Variants in LRRK2 observed in about 807,000 individuals in gnomAD.
LRRK2 encodes the protein leucine rich repeat kinase 2, also known as leucine-rich repeat serine/threonine-protein kinase 2.
Under a neutral mutation model 302.6 loss-of-function variants are expected in LRRK2, and 203 were observed. The observed-to-expected ratio is 0.67, with a 90% confidence interval of 0.60 to 0.75. The LOEUF (loss-of-function observed/expected upper bound fraction) is 0.75. Among genes scored for constraint, LRRK2 ranks in the 30% least tolerant of loss-of-function variants. The pLI, the probability that LRRK2 is intolerant of heterozygous loss-of-function variation, is 0.00. For missense variants in LRRK2, 2,830 were observed against 2,951.0 expected (o/e 0.96, Z 0.95); for synonymous variants, 1,066 against 1,031.9 (o/e 1.03, Z -0.63).
chr12:40,231,576 C>CAAAAAAAAAAAAAAACAA (rs1941191351), intron 2 of LRRK2, among the ~76,000 whole-genome samples: 1 of 105,882 alleles, frequency 9.4e-6, no homozygotes, highest in Non-Finnish European at 1.8e-5. Flanking sequence ...AAAACAAAAC[C>CAAAAAAAAAAAAAAACAA]AAAAAAAAAA....
intron 46 of LRRK2, among the ~76,000 whole-genome samples, chr12:40,357,203 G>C (rs537739140): frequency 6.6e-6 from 1 of 152,054 alleles, no homozygotes; most frequent in Non-Finnish European, 1.5e-5. Context: ...GTCTTTCTGT[G>C]CTTGGCTTAT....
At chr12:40,278,388 A>G in intron 18 of LRRK2, 127 bp downstream of exon 18, 1 of 1,164,564 alleles carries the variant, frequency 8.6e-7, no homozygotes, top group Non-Finnish European at 1.3e-6. Flanking sequence ...GTTTATTGCA[A>G]TTGTTTGTGT....
At position 40,340,453 on chromosome 12, in the gene LRRK2, A is replaced by G. The variant is rs200434075; in HGVS notation, c.6108A>G (p.Pro2036=). The G allele has an allele frequency of 2.5e-6, 4 of 1,613,708 alleles. No homozygotes were observed. The highest frequency in any genetic ancestry group is 3.4e-6 in the Non-Finnish European group (4 of 1,179,766). The change falls in exon 41 of 51, where the codon CCA becomes CCG. Residue 2036 remains proline (P), a splice_region_variant and synonymous_variant. Transcript: ENST00000298910. ...RMGIKTSEGT[P]GFRAPEVARG... is the part of the protein sequence containing the mutation. ...GGATAAAAACATCAGAGGGCACACC[A>G]GGTAGGTGATCAGGTCTGTCTCATA...
chr12:40,241,695 T>G (rs1941728097), intron 6 of LRRK2, among the ~76,000 whole-genome samples: 1 of 152,252 alleles, frequency 6.6e-6, no homozygotes, highest in Non-Finnish European at 1.5e-5. Context: ...GTATTTTATA[T>G]GTGTGTTGTA....
chr12:40,252,937 C>G lies in LRRK2; in HGVS notation c.1209C>G (p.Leu403=), dbSNP rs200920379. 5.0e-6 allele frequency: 8 copies of G among 1,613,264 alleles called. No individual in the cohort carries two copies. In the Admixed American group the frequency reaches 1.0e-4, roughly 20 times the overall value. Residue 403 remains leucine, a synonymous_variant, in exon 11 of 51, where the codon CTC becomes CTG. Transcript: ENST00000298910. ...TCCCAGCTCATAGGGAAGTGATGCT[C>G]TCCATGCTGATGCATTCTTCATCAA... is the stretch of plus-strand genomic sequence containing the variant. The part of the protein sequence containing the change: ...GHFPAHREVM[L]SMLMHSSSKE...
chr12:40,283,037 AT>A (rs201746985), intron 18 of LRRK2, among the ~76,000 whole-genome samples: 2,123 of 148,254 alleles, frequency 0.014, 62 homozygotes, highest in African/African-American at 0.049. Context: ...ATGGCATAGG[AT>A]TTTTTTAAAA....
chr12:40,332,342 C>A (rs1474651860), intron 39 of LRRK2, among the ~76,000 whole-genome samples: 1 of 152,156 alleles, frequency 6.6e-6, no homozygotes, highest in Non-Finnish European at 1.5e-5. Context: ...TTCCTGTATT[C>A]TCTCTTGTTT....
chr12:40,308,178 C>A (rs549862648), intron 28 of LRRK2, among the ~76,000 whole-genome samples: 4 of 152,000 alleles, frequency 2.6e-5, no homozygotes, highest in Admixed American at 6.6e-5. Flanking sequence ...TATTGCATAT[C>A]GTATTCTAAT....
At chr12:40,291,292 A>G (rs899947308) in intron 20 of LRRK2, among the ~76,000 whole-genome samples, 6 of 149,244 alleles carry the variant, frequency 4.0e-5, no homozygotes, top group Admixed American at 6.7e-5. Context: ...GGTGGGGGGA[A>G]GGGGGAGGGA....
intron 13 of LRRK2, 132 bp downstream of exon 13, chr12:40,259,736 A>G (rs762271603): frequency 8.1e-5 from 94 of 1,161,280 alleles, no homozygotes; most frequent in Non-Finnish European, 1.2e-4. Context: ...TTTCTGTTAA[A>G]CCAAAAAGAG....
intron 41 of LRRK2, 99 bp from the exon 42 acceptor site, chr12:40,346,654 C>T (rs1946197753): frequency 1.8e-6 from 2 of 1,099,110 alleles, no homozygotes; most frequent in Non-Finnish European, 2.7e-6. Flanking sequence ...AACATCTCTT[C>T]CTGACTCTCT....
chr12:40,231,138 C>T (rs1339578336), intron 2 of LRRK2, among the ~76,000 whole-genome samples: 2 of 152,094 alleles, frequency 1.3e-5, no homozygotes, highest in African/African-American at 2.4e-5. Context: ...ATTCTGATAA[C>T]TTACATTTTG....
intron 6 of LRRK2, among the ~76,000 whole-genome samples, chr12:40,242,878 TC>T (rs1242243868): frequency 7.7e-6 from 1 of 129,946 alleles, no homozygotes; most frequent in Admixed American, 8.4e-5. Flanking sequence ...ATCCTATAGT[TC>T]CAGGATGACG....
At chr12:40,321,253 G>T in intron 35 of LRRK2, 65 bp downstream of exon 35, 1 of 1,455,632 alleles carries the variant, frequency 6.9e-7, no homozygotes, top group South Asian at 1.2e-5. Context: ...TTAATTTTTA[G>T]AGAAATTAGG....
chr12:40,321,987 TC>T (rs772261954), intron 35 of LRRK2, 47 bp from the exon 36 acceptor site: 14 of 1,600,828 alleles, frequency 8.7e-6, no homozygotes, highest in Non-Finnish European at 2.6e-6. Context: ...GTAGATTTTT[TC>T]CCTTTAACTT....
At chr12:40,284,317 G>A (rs953094105) in intron 19 of LRRK2, among the ~76,000 whole-genome samples, 184 bp downstream of exon 19, 1 of 150,018 alleles carries the variant, frequency 6.7e-6, no homozygotes, top group Non-Finnish European at 1.5e-5. Flanking sequence ...TTCTTTATGA[G>A]ATAGCAAATA....
At chr12:40,268,236 C>T (rs1381615393) in intron 14 of LRRK2, among the ~76,000 whole-genome samples, 1 of 152,128 alleles carries the variant, frequency 6.6e-6, no homozygotes, top group African/African-American at 2.4e-5. Context: ...GTTTTATATG[C>T]GGTGACACTC....
chr12:40,301,071 A>G (rs1009382120), intron 25 of LRRK2: 10 of 457,668 alleles, frequency 2.2e-5, no homozygotes, highest in South Asian at 4.6e-5. Context: ...ACAGGTGCAT[A>G]CAATTAATTA....
intron 14 of LRRK2, among the ~76,000 whole-genome samples, chr12:40,265,856 CA>C (rs1297112923): frequency 6.6e-6 from 1 of 152,096 alleles, no homozygotes; most frequent in Non-Finnish European, 1.5e-5. Context: ...CGCATATCTA[CA>C]ACCATCTGAT....
Sources: gnomAD v4.1 joint callset for allele counts (sites outside exome capture counted in the v4.1 genomes callset) on GRCh38, gnomAD v4.1.1 for gene constraint, MANE v1.5 for transcripts, NCBI Gene and HGNC (gene_info 2026-07-23, HGNC 2026-07-21) for gene names.